Variants in IST1 observed in about 807,000 individuals in gnomAD.
The protein encoded by IST1 is IST1 homolog.
Under a neutral mutation model 37.0 loss-of-function variants are expected in IST1, and 23 were observed. The ratio of observed to expected loss-of-function variants is 0.62; its 90% CI spans 0.45 to 0.88. IST1 has a LOEUF of 0.88. IST1 is among the 40% of genes least tolerant of loss of function. The pLI, the probability that IST1 is intolerant of heterozygous loss-of-function variation, is 0.00. For missense variants in IST1, 488 were observed against 445.4 expected, an observed-to-expected ratio of 1.10 and a Z score of -0.86; for synonymous variants, 180 against 161.7, an observed-to-expected ratio of 1.11 and a Z score of -0.86.
chr16:71,904,360 G>C (rs935853309), intron 1 of IST1, among the ~76,000 whole-genome samples: 4 of 152,170 alleles, frequency 2.6e-5, no homozygotes, highest in African/African-American at 9.7e-5. Context: ...TGACCTAAGT[G>C]ATCCACCTGC....
chr16:71,926,467 C>G (rs981740115), intron 9 of IST1, among the ~76,000 whole-genome samples: 2 of 151,960 alleles, frequency 1.3e-5, no homozygotes, highest in African/African-American at 4.8e-5. Context: ...CCTCAACCTC[C>G]CAAGTAGCTG....
At chr16:71,901,917 T>A (rs566007254) in intron 1 of IST1, among the ~76,000 whole-genome samples, 1 of 152,326 alleles carries the variant, frequency 6.6e-6, no homozygotes. Context: ...TTGAAACAGA[T>A]TAATCAGAAT....
intron 4 of IST1, among the ~76,000 whole-genome samples, chr16:71,919,561 A>G (rs979644733): frequency 5.3e-5 from 8 of 152,112 alleles, no homozygotes; most frequent in Admixed American, 3.9e-4. Flanking sequence ...TAATTTTTGT[A>G]TCTTTTAAAA....
rs2037875434 is a variant in IST1, at chr16:71,930,040, T to G, written c.*2227T>G. The G allele has an allele frequency of 6.5e-7, 1 of 1,544,954 alleles. No individual in the cohort carries two copies. Among genetic ancestry groups the G allele is most frequent in the Non-Finnish European group, 8.7e-7 (1 of 1,144,600 alleles). ...ATATAACAGCATGCTAGTTTATCTTTTAGTTACCTACCTTAAGCGACTTTC... is the reference window on the plus strand; with the variant it reads ...ATATAACAGCATGCTAGTTTATCTTGTAGTTACCTACCTTAAGCGACTTTC... On this transcript the variant is annotated 3_prime_UTR_variant, in exon 10 of 10. Coordinates refer to ENST00000378799, the MANE Select transcript of IST1 (RefSeq NM_001270975.2).
chr16:71,906,504 G>T (rs1397489524), intron 1 of IST1, among the ~76,000 whole-genome samples: 1 of 151,318 alleles, frequency 6.6e-6, no homozygotes. Context: ...TCGTAGAGAC[G>T]GGGTTTCACC....
intron 1 of IST1, among the ~76,000 whole-genome samples, chr16:71,898,836 G>T (rs563386252): frequency 6.6e-6 from 1 of 151,642 alleles, no homozygotes; most frequent in East Asian, 1.9e-4. Context: ...AATTAGCGGG[G>T]TGCCTGTTCT....
intron 1 of IST1, among the ~76,000 whole-genome samples, chr16:71,898,363 T>A (rs2037024016): frequency 9.4e-6 from 1 of 106,564 alleles, no homozygotes; most frequent in African/African-American, 3.6e-5. Flanking sequence ...AGACACTCTC[T>A]CTCTCAGAAA....
In IST1 at chr16:71,931,096, GTTT is replaced by G. The variant is rs923098777; in HGVS notation, c.*3287_*3289del. The G allele has an allele frequency of 6.6e-6, 1 of 151,934 alleles. No individual in the cohort carries two copies. Among genetic ancestry groups the G allele is most frequent in the African/African-American group, 2.4e-5 (1 of 41,398 alleles). The allele number at this position is 151,934 out of a possible 1,614,324, so 9.4% of individuals were successfully genotyped here. ...TGTTTATTTTTTGTTTGCTCTATTT[GTTT>G]TTTAATGTTTTTTACTTTATGTTTA... On this transcript the variant is annotated 3_prime_UTR_variant, in exon 10 of 10. Transcript: ENST00000378799.
chr16:71,925,067 C>T (rs1247155508), intron 9 of IST1, among the ~76,000 whole-genome samples: 1 of 137,280 alleles, frequency 7.3e-6, no homozygotes, highest in Non-Finnish European at 1.5e-5. Context: ...GGCTGGAGTG[C>T]AGTGTTGTGA....
intron 1 of IST1, among the ~76,000 whole-genome samples, chr16:71,900,866 G>A (rs1005870762): frequency 6.6e-6 from 1 of 152,164 alleles, no homozygotes; most frequent in Non-Finnish European, 1.5e-5. Flanking sequence ...GCTTAGCACA[G>A]TGCTTAATAG....
chr16:71,921,361 G>A lies in IST1; in HGVS notation c.460G>A (p.Val154Met), dbSNP rs770455458. ...VNDRLMHKLSVEAPPKILVER... is the reference protein window; with the variant it reads ...VNDRLMHKLSMEAPPKILVER... ...CTTACAGCTAATGCACAAGCTGAGTGTGGAAGCCCCACCCAAAATCCTGGT... is the reference window on the plus strand; with the variant it reads ...CTTACAGCTAATGCACAAGCTGAGTATGGAAGCCCCACCCAAAATCCTGGT... Residue 154 changes from valine to methionine, a missense_variant, in exon 6 of 10, where the codon GTG (valine) becomes ATG (methionine). Transcript: ENST00000378799. 12 of 1,611,934 alleles carry A rather than the reference G, an allele frequency of 7.4e-6. No homozygotes were observed. The Admixed American group carries it at 1.8e-4, about 25-fold the overall frequency.
At chr16:71,901,812 TGAGCGACA>T (rs1306798101) in intron 1 of IST1, among the ~76,000 whole-genome samples, 4 of 152,250 alleles carry the variant, frequency 2.6e-5, no homozygotes, top group African/African-American at 9.6e-5. Context: ...ACATAATACA[TGAGCGACA>T]GCTTTGTACA....
At chr16:71,919,675 A>G (rs1188337686) in intron 4 of IST1, among the ~76,000 whole-genome samples, 1 of 152,212 alleles carries the variant, frequency 6.6e-6, no homozygotes, top group Non-Finnish European at 1.5e-5. Flanking sequence ...TACAGGCATG[A>G]GCCACGATGC....
chr16:71,924,372 G>A, intron 8 of IST1: 1 of 373,832 alleles, frequency 2.7e-6, no homozygotes, highest in East Asian at 6.9e-5. Context: ...CACTTTGGGA[G>A]GCTTAGGCAG....
chr16:71,911,713 T>A (rs2037359051), intron 1 of IST1, among the ~76,000 whole-genome samples: 1 of 18,514 alleles, frequency 5.4e-5, no homozygotes, highest in Non-Finnish European at 1.5e-4. Flanking sequence ...AACTTCGATT[T>A]TTTTTTTTTT....
At chr16:71,918,923 A>C (rs1218618103) in intron 4 of IST1, among the ~76,000 whole-genome samples, 1 of 152,246 alleles carries the variant, frequency 6.6e-6, no homozygotes, top group East Asian at 1.9e-4. Context: ...CATAATGAAC[A>C]GTGAGAACTC....
intron 1 of IST1, among the ~76,000 whole-genome samples, chr16:71,905,384 CT>C (rs1219638533): frequency 2.5e-3 from 212 of 86,272 alleles, no homozygotes; most frequent in African/African-American, 2.9e-3. Flanking sequence ...ATGAACTTTT[CT>C]TTTTTTTTTT....
chr16:71,923,472 T>C (rs2037660048), intron 8 of IST1, 92 bp downstream of exon 8: 1 of 769,832 alleles, frequency 1.3e-6, no homozygotes, highest in Admixed American at 2.1e-5. Flanking sequence ...AGAGTTTTGA[T>C]CAACTCCTAG....
At chr16:71,920,893 T>C (rs754736501) in intron 5 of IST1, 71 bp downstream of exon 5, 40 of 1,048,130 alleles carry the variant, frequency 3.8e-5, no homozygotes, top group African/African-American at 1.1e-4. Context: ...GTGGCAATTC[T>C]AGTGGGTACC....
Sources: allele counts gnomAD v4.1 joint callset (sites outside exome capture counted in the v4.1 genomes callset), GRCh38; gene constraint gnomAD v4.1.1; transcripts MANE v1.5; gene names NCBI Gene and HGNC (gene_info 2026-07-23, HGNC 2026-07-21).